Variants in DUSP13B observed in about 807,000 individuals in gnomAD.
The protein encoded by DUSP13B is dual specificity protein phosphatase 13B.
the DUSP13B span, chr10:75,107,986 TC>T: frequency 3.1e-6 from 5 of 1,609,060 alleles, no homozygotes; most frequent in East Asian, 1.1e-4. Flanking sequence ...GGACCCCAAG[TC>T]CTACCCCCAG....
At chr10:75,100,480 G>A in the DUSP13B span, among the ~76,000 whole-genome samples, 1 of 152,184 alleles carries the variant, frequency 6.6e-6, no homozygotes, top group Non-Finnish European at 1.5e-5. Context: ...GTCGGTGGTT[G>A]TGGCAGCTCC....
chr10:75,097,906 C>T, the DUSP13B span: 2 of 1,549,510 alleles, frequency 1.3e-6, no homozygotes, highest in Non-Finnish European at 1.8e-6. Flanking sequence ...GTGGACACCG[C>T]AGTGGCTGGA....
the DUSP13B span, among the ~76,000 whole-genome samples, chr10:75,096,750 T>A: frequency 1.3e-5 from 2 of 152,088 alleles, no homozygotes; most frequent in Non-Finnish European, 2.9e-5. Flanking sequence ...TGTCTCTAAA[T>A]AAATAAATAA....
the DUSP13B span, chr10:75,108,079 G>A: frequency 6.2e-7 from 1 of 1,613,904 alleles, no homozygotes; most frequent in Middle Eastern, 1.7e-4. Flanking sequence ...TCGTGGGCTG[G>A]CACCCCCAGG....
the DUSP13B span, chr10:75,097,700 G>A: frequency 1.3e-6 from 2 of 1,554,190 alleles, no homozygotes; most frequent in Admixed American, 1.8e-5. Context: ...TCCTAACGTG[G>A]GTCTTACTCA....
the DUSP13B span, chr10:75,101,877 A>G: frequency 5.4e-5 from 74 of 1,366,560 alleles, no homozygotes; most frequent in Non-Finnish European, 6.6e-5. Context: ...CTGTGGGAGT[A>G]TCTGGCCCAG....
the DUSP13B span, chr10:75,099,554 G>T: frequency 8.1e-7 from 1 of 1,230,356 alleles, no homozygotes; most frequent in Non-Finnish European, 1.0e-6. Context: ...AATTCCAGGT[G>T]CTGGCTGGGG....
At chr10:75,098,429 T>C in the DUSP13B span, among the ~76,000 whole-genome samples, 2 of 152,204 alleles carry the variant, frequency 1.3e-5, no homozygotes, top group South Asian at 4.1e-4. Context: ...TGGTATTTGT[T>C]AGCAACTCCG....
the DUSP13B span, chr10:75,095,924 G>T: frequency 1.2e-6 from 1 of 841,204 alleles, no homozygotes; most frequent in Non-Finnish European, 1.9e-6. Flanking sequence ...CCTGCAAATT[G>T]GCCCAGGGTG....
At chr10:75,098,975 A>G in the DUSP13B span, 1 of 1,231,766 alleles carries the variant, frequency 8.1e-7, no homozygotes, top group Non-Finnish European at 1.0e-6. Flanking sequence ...TCCTCAAGGG[A>G]GCCTGGTACT....
chr10:75,095,507 C>A, the DUSP13B span: 1 of 1,415,354 alleles, frequency 7.1e-7, no homozygotes, highest in South Asian at 1.2e-5. Context: ...CCCACCAGTG[C>A]TACTGGAATA....
the DUSP13B span, chr10:75,095,581 G>C: frequency 1.2e-6 from 2 of 1,613,716 alleles, no homozygotes; most frequent in Non-Finnish European, 1.7e-6. Flanking sequence ...GCACCTTGGG[G>C]AACACTGAGG....
chr10:75,104,833 G>A, the DUSP13B span, among the ~76,000 whole-genome samples: 1 of 152,036 alleles, frequency 6.6e-6, no homozygotes, highest in East Asian at 1.9e-4. Flanking sequence ...TGCTGCTGAA[G>A]GGCCTCCCTT....
the DUSP13B span, chr10:75,103,814 C>A: frequency 1.8e-6 from 2 of 1,118,440 alleles, no homozygotes; most frequent in South Asian, 3.0e-5. Flanking sequence ...CTCTCTCCTC[C>A]CCTCCCCACT....
chr10:75,098,873 C>T, the DUSP13B span, among the ~76,000 whole-genome samples: 1 of 152,230 alleles, frequency 6.6e-6, no homozygotes, highest in Non-Finnish European at 1.5e-5. Flanking sequence ...CCATACGGCT[C>T]ATGAGTAGCA....
the DUSP13B span, among the ~76,000 whole-genome samples, chr10:75,104,531 G>T: frequency 1.3e-5 from 2 of 152,192 alleles, no homozygotes; most frequent in Non-Finnish European, 2.9e-5. Flanking sequence ...GGCTGAGGGA[G>T]AAGGGTGACT....
At chr10:75,108,953 C>G in the DUSP13B span, 6 of 1,543,368 alleles carry the variant, frequency 3.9e-6, no homozygotes, top group Non-Finnish European at 4.4e-6. Context: ...GTAAAGCGAC[C>G]AAGAACTGCC....
chr10:75,094,821 G>T, the DUSP13B span: 30 of 1,614,092 alleles, frequency 1.9e-5, no homozygotes, highest in Non-Finnish European at 2.2e-5. Context: ...CATGAGGAAG[G>T]CCAGGACAAG....
At chr10:75,099,180 G>A in the DUSP13B span, 5 of 1,227,712 alleles carry the variant, frequency 4.1e-6, no homozygotes, top group South Asian at 2.1e-4. Flanking sequence ...TTGGAGAGGG[G>A]GTCCTGTCTT....
Sources: allele counts gnomAD v4.1 joint callset (sites outside exome capture counted in the v4.1 genomes callset), GRCh38; gene constraint gnomAD v4.1.1; transcripts MANE v1.5; gene names NCBI Gene and HGNC (gene_info 2026-07-23, HGNC 2026-07-21).